ARHGAP44: variants seen among roughly 807,000 people sequenced by gnomAD.
The protein encoded by ARHGAP44 is Rho GTPase activating protein 44, also known as rho GTPase-activating protein 44.
In ARHGAP44, 43 loss-of-function variants were observed where a neutral mutation model predicts 106.8. The ratio of observed to expected loss-of-function variants is 0.40; its 90% CI spans 0.32 to 0.52. The LOEUF is 0.52. Ranked by LOEUF, ARHGAP44 falls within the 20% of genes least tolerant of loss-of-function variation. ARHGAP44 has a pLI of 0.48. For synonymous variants in ARHGAP44, 439 were observed against 410.3 expected (o/e 1.07, Z -0.85); for missense variants, 866 against 1,050.5 (o/e 0.82, Z 2.43).
chr17:12,907,344 G>GTAACATA (rs2037583587), intron 3 of ARHGAP44, among the ~76,000 whole-genome samples: 1 of 152,128 alleles, frequency 6.6e-6, no homozygotes, highest in South Asian at 2.1e-4. Flanking sequence ...CTCCCTCCCT[G>GTAACATA]TAACATAAAA....
chr17:12,808,417 C>T (rs772595633), intron 1 of ARHGAP44, among the ~76,000 whole-genome samples: 3 of 152,248 alleles, frequency 2.0e-5, no homozygotes. Context: ...TCTGCCTGGA[C>T]ATCCAAGCAT....
At chr17:12,956,801 G>A in intron 15 of ARHGAP44, 55 bp downstream of exon 15, 1 of 1,535,362 alleles carries the variant, frequency 6.5e-7, no homozygotes, top group South Asian at 1.1e-5. Context: ...GAGTATCACT[G>A]CGAGTTCTGA....
rs572263035 is a variant in ARHGAP44, at chr17:12,972,855, G to T, written c.1524-447G>T. ...TTTTTGTATTTTTAGTAGAGATGGGGTTTCACCATGTTAGCCAGGATGGTC... is the reference window on the plus strand; with the variant it reads ...TTTTTGTATTTTTAGTAGAGATGGGTTTTCACCATGTTAGCCAGGATGGTC... On this transcript the variant is annotated intron_variant, in intron 16 of 20. Transcript: ENST00000379672. 5.9e-5 allele frequency among the ~76,000 whole-genome samples: 9 copies of T among 151,832 alleles called. No homozygotes were observed. The South Asian group carries it at 1.9e-3, about 32-fold the overall frequency.
At chr17:12,848,875 C>T (rs201550400) in intron 1 of ARHGAP44, among the ~76,000 whole-genome samples, 1 of 151,906 alleles carries the variant, frequency 6.6e-6, no homozygotes, top group Non-Finnish European at 1.5e-5. Context: ...GGAGAAACCC[C>T]GTCTCTACTA....
intron 1 of ARHGAP44, among the ~76,000 whole-genome samples, chr17:12,840,997 T>G (rs2035374556): frequency 6.6e-6 from 1 of 152,128 alleles, no homozygotes; most frequent in African/African-American, 2.4e-5. Context: ...AGTGTGTGTG[T>G]GGGTGATTAA....
At chr17:12,964,080 A>G (rs865841175) in intron 16 of ARHGAP44, among the ~76,000 whole-genome samples, 1 of 152,214 alleles carries the variant, frequency 6.6e-6, no homozygotes, top group Non-Finnish European at 1.5e-5. Context: ...AATAAATCAC[A>G]CTATTGTTTT....
intron 19 of ARHGAP44, among the ~76,000 whole-genome samples, chr17:12,981,439 C>T (rs535304280): frequency 4.6e-5 from 7 of 151,654 alleles, no homozygotes; most frequent in Non-Finnish European, 1.0e-4. Context: ...CTCTTGTGCC[C>T]CAGGCTGGAG....
At chr17:12,892,494 C>T (rs2037077667) in intron 1 of ARHGAP44, among the ~76,000 whole-genome samples, 1 of 151,866 alleles carries the variant, frequency 6.6e-6, no homozygotes, top group South Asian at 2.1e-4. Flanking sequence ...ACATTTGGGA[C>T]ATTTTTAGCC....
intron 1 of ARHGAP44, among the ~76,000 whole-genome samples, chr17:12,805,382 A>G (rs1567622794): frequency 6.6e-6 from 1 of 152,174 alleles, no homozygotes; most frequent in East Asian, 1.9e-4. Context: ...TGAAGAAGAC[A>G]CTGTATGTGC....
chr17:12,865,720 C>T (rs537391036), intron 1 of ARHGAP44, among the ~76,000 whole-genome samples: 65 of 146,696 alleles, frequency 4.4e-4, no homozygotes, highest in African/African-American at 1.6e-3. Context: ...ACCTGGGAGG[C>T]GGAGCTTGCA....
At chr17:12,896,722 G>A (rs1223883222) in intron 3 of ARHGAP44, among the ~76,000 whole-genome samples, 4 of 152,054 alleles carry the variant, frequency 2.6e-5, no homozygotes, top group Admixed American at 6.6e-5. Flanking sequence ...AGCATCCCCC[G>A]CCCTCCACAG....
At position 12,984,697 on chromosome 17, in the gene ARHGAP44, G is replaced by A. The variant is rs371933699; in HGVS notation, c.2106G>A (p.Ser702=). ...ACCCTCAGGGGTACTCCTTGGCCTC[G>A]GGCCAGCTCTCCCCAGCTGCAGCTC... The part of the protein sequence containing the change: ...LSYPQGYSLA[S]GQLSPAAAPP... The change falls in exon 20 of 21, where the codon TCG becomes TCA. Residue 702 remains serine (S), a synonymous_variant. Transcript: ENST00000379672. The A allele has an allele frequency of 6.0e-5, 97 of 1,613,288 alleles. No homozygotes were observed. The highest frequency in any genetic ancestry group is 1.6e-4 in the African/African-American group (12 of 74,852).
chr17:12,929,121 G>A, intron 7 of ARHGAP44, 75 bp downstream of exon 7: 1 of 1,365,732 alleles, frequency 7.3e-7, no homozygotes, highest in Non-Finnish European at 1.0e-6. Flanking sequence ...GTTCACTGGA[G>A]TTCTCTTAAA....
At chr17:12,963,892 A>G (rs1435039783) in intron 16 of ARHGAP44, among the ~76,000 whole-genome samples, 1 of 152,196 alleles carries the variant, frequency 6.6e-6, no homozygotes. Context: ...TGGGATAAGT[A>G]TGTGATTCTA....
chr17:12,800,110 A>G (rs962871362), intron 1 of ARHGAP44, among the ~76,000 whole-genome samples: 1 of 152,224 alleles, frequency 6.6e-6, no homozygotes, highest in Admixed American at 6.5e-5. Flanking sequence ...CACTCAATAA[A>G]TGACAGTTAT....
At chr17:12,979,549 G>T (rs1315554764) in intron 18 of ARHGAP44, among the ~76,000 whole-genome samples, 1 of 152,174 alleles carries the variant, frequency 6.6e-6, no homozygotes, top group Non-Finnish European at 1.5e-5. Context: ...AATCCCTCCT[G>T]CCTGGGGGGT....
chr17:12,924,502 C>T (rs998014951), intron 6 of ARHGAP44, among the ~76,000 whole-genome samples: 1 of 152,130 alleles, frequency 6.6e-6, no homozygotes, highest in Non-Finnish European at 1.5e-5. Flanking sequence ...TTAACCCTCC[C>T]GAGTCTGGGA....
At chr17:12,917,741 G>A (rs989940035) in intron 5 of ARHGAP44, among the ~76,000 whole-genome samples, 2 of 152,196 alleles carry the variant, frequency 1.3e-5, no homozygotes, top group Non-Finnish European at 2.9e-5. Flanking sequence ...AATCTGTGCC[G>A]TTTGATAGCC....
Position 12,978,143 on chromosome 17 carries a change from A to G in ARHGAP44, c.1764-1915A>G, listed in dbSNP as rs1056090661. On this transcript the variant is annotated intron_variant, in intron 18 of 20. Coordinates refer to ENST00000379672, the MANE Select transcript of ARHGAP44 (RefSeq NM_014859.6). ...TGTCCAAAGGAAGGAAGAAGAGTCTACCCACCCACAAGAAGCAATTTTTTA... is the reference window on the plus strand; with the variant it reads ...TGTCCAAAGGAAGGAAGAAGAGTCTGCCCACCCACAAGAAGCAATTTTTTA... 3.3e-5 allele frequency among the ~76,000 whole-genome samples: 5 copies of G among 151,954 alleles called. No homozygotes were observed. The East Asian group carries it at 7.8e-4, about 24-fold the overall frequency.
Sources: allele counts gnomAD v4.1 joint callset (sites outside exome capture counted in the v4.1 genomes callset), GRCh38; gene constraint gnomAD v4.1.1; transcripts MANE v1.5; gene names NCBI Gene and HGNC (gene_info 2026-07-23, HGNC 2026-07-21).